Variants in RAD51D observed in about 807,000 individuals in gnomAD.
RAD51D encodes RAD51 paralog D.
A neutral mutation model predicts 44.1 loss-of-function variants in RAD51D; 38 were observed. The ratio of observed to expected loss-of-function variants is 0.86; its 90% CI spans 0.67 to 1.13. The LOEUF (loss-of-function observed/expected upper bound fraction) is 1.13, where lower values mean the gene tolerates loss of function less well. Ranked by LOEUF, RAD51D falls within the 50% of genes most tolerant of loss-of-function variation. RAD51D has a pLI of 0.00. For synonymous variants in RAD51D, 141 were observed against 166.6 expected (o/e 0.85, Z 1.18); for missense variants, 390 against 414.0 (o/e 0.94, Z 0.50).
intron 6 of RAD51D, among the ~76,000 whole-genome samples, chr17:35,104,038 G>A (rs1442234936): frequency 6.6e-6 from 1 of 152,062 alleles, no homozygotes; most frequent in Admixed American, 6.6e-5. Flanking sequence ...AGATCACACC[G>A]CTGCATTCCA....
At position 35,101,198 on chromosome 17, in the gene RAD51D, C is replaced by T. The variant is rs2142410788; in HGVS notation, c.903+3G>A. 6.2e-7 allele frequency: 1 copy of T among 1,614,106 alleles called. No individual in the cohort carries two copies. The highest frequency in any genetic ancestry group is 8.5e-7 in the Non-Finnish European group (1 of 1,179,992). ...TACTGGCATCTTCCTGGGGCTGGCT[C>T]ACCTGTCGGGAAGATTTGGCCAGAC... On this transcript the variant is annotated splice_donor_region_variant and intron_variant, in intron 9 of 9. Transcript: ENST00000345365.
chr17:35,097,546 T>C lies in RAD51D; in HGVS notation c.*3407A>G, dbSNP rs921117291. 6.6e-6 allele frequency: 1 copy of C among 151,550 alleles called. No individual in the cohort carries two copies. Among genetic ancestry groups the C allele is most frequent in the African/African-American group, 2.4e-5 (1 of 41,274 alleles). The allele number at this position is 151,550 out of a possible 1,614,324, so 9.4% of individuals were successfully genotyped here. A position where few individuals can be genotyped will look rare whatever the true frequency, so the allele number is the denominator to read the frequency against. On this transcript the variant is annotated 3_prime_UTR_variant, in exon 10 of 10. Coordinates refer to ENST00000345365, the MANE Select transcript of RAD51D (RefSeq NM_002878.4). ...ATATATATATATATGTATATGTATA[T>C]GTATATTTTTTTCCTAAGAACTAGA...
At chr17:35,116,292 C>A (rs2091745608) in intron 3 of RAD51D, among the ~76,000 whole-genome samples, 1 of 152,156 alleles carries the variant, frequency 6.6e-6, no homozygotes, top group Non-Finnish European at 1.5e-5. Flanking sequence ...TGTCTATAAC[C>A]CTGCTTTCAC....
intron 3 of RAD51D, 124 bp downstream of exon 3, chr17:35,118,377 C>T: frequency 1.2e-6 from 1 of 801,254 alleles, no homozygotes; most frequent in Non-Finnish European, 2.1e-6. Flanking sequence ...TGACCCCTTT[C>T]CTTCCCATCC....
chr17:35,116,980 C>A, intron 3 of RAD51D: 2 of 1,613,930 alleles, frequency 1.2e-6, no homozygotes, highest in Non-Finnish European at 1.7e-6. Flanking sequence ...GATCTCCCTG[C>A]GGGGACCTGA....
At chr17:35,114,803 C>A (rs935465611) in intron 3 of RAD51D, among the ~76,000 whole-genome samples, 1 of 152,208 alleles carries the variant, frequency 6.6e-6, no homozygotes, top group African/African-American at 2.4e-5. Flanking sequence ...AAAGAGTCCT[C>A]AGGTGACTCC....
chr17:35,098,621 G>A lies in RAD51D; in HGVS notation c.*2332C>T, dbSNP rs2091503516. On this transcript the variant is annotated 3_prime_UTR_variant, in exon 10 of 10. Coordinates refer to ENST00000345365, the MANE Select transcript of RAD51D (RefSeq NM_002878.4). ...GGGTTTCACCATGTTGGTCAGGCTG[G>A]TCTGGAACTCCTGACCTTAGGTGAT... The A allele has an allele frequency of 6.6e-6, 1 of 151,986 alleles. No individual in the cohort carries two copies. Among genetic ancestry groups the A allele is most frequent in the African/African-American group, 2.4e-5 (1 of 41,324 alleles). The allele number at this position is 151,986 out of a possible 1,614,324, so 9.4% of individuals were successfully genotyped here. A position where few individuals can be genotyped will look rare whatever the true frequency, so the allele number is the denominator to read the frequency against.
chr17:35,101,370 A>G lies in RAD51D; in HGVS notation c.739-5T>C, dbSNP rs777400873. ...TCGAGTTATGTGGTTGGTCACCTGC[A>G]GCAGAAACAGACTTACAGATCCATA... On this transcript the variant is annotated splice_polypyrimidine_tract_variant and splice_region_variant and intron_variant, in intron 8 of 9. Coordinates refer to ENST00000345365, the MANE Select transcript of RAD51D (RefSeq NM_002878.4). The G allele has an allele frequency of 1.9e-6, 3 of 1,613,202 alleles. No individual in the cohort carries two copies. The African/African-American group carries it at 4.0e-5, about 22-fold the overall frequency.
chr17:35,101,501 A>AG, intron 8 of RAD51D, 136 bp from the exon 9 acceptor site: 1 of 967,688 alleles, frequency 1.0e-6, no homozygotes, highest in Non-Finnish European at 1.6e-6. Flanking sequence ...ACCTAATGGC[A>AG]GGTCTGGAAC....
rs1234267802 is a variant in RAD51D, at chr17:35,099,863, A to G, written c.*1090T>C. ...CCTCCCAGCCAGGGTCATGGCTCTC[A>G]GACGGATGGCCACAGTGCTGGTGAA... is the stretch of plus-strand genomic sequence containing the variant. On this transcript the variant is annotated 3_prime_UTR_variant, in exon 10 of 10. Transcript: ENST00000345365. The G allele has an allele frequency of 1.8e-5, 9 of 511,050 alleles. No individual in the cohort carries two copies. Among genetic ancestry groups the G allele is most frequent in the Non-Finnish European group, 3.1e-5 (8 of 261,248 alleles). 31.7% of individuals were successfully genotyped at this position (511,050 alleles called of 1,614,324 possible).
At position 35,113,503 on chromosome 17, in the gene RAD51D, A is replaced by C. The variant is rs756815178; in HGVS notation, c.263+4998T>G. 8.9e-5 allele frequency: 34 copies of C among 383,346 alleles called. 1 individual carries two copies. The highest frequency in any genetic ancestry group is 1.2e-4 in the Non-Finnish European group (23 of 191,964). The allele number at this position is 383,346 out of a possible 1,614,324, so 23.7% of individuals were successfully genotyped here. A position where few individuals can be genotyped will look rare whatever the true frequency, so the allele number is the denominator to read the frequency against. ...AGGCTGGTCTCAAACTCCTGACCTC[A>C]GGTGACCCACTCGCCTTGGCCTCCC... On this transcript the variant is annotated intron_variant, in intron 3 of 9. Transcript: ENST00000345365.
rs555570134 is a variant in RAD51D at position 35,115,741 on chromosome 17, G to A, written c.263+2760C>T. Among the ~76,000 whole-genome samples the A allele has an allele frequency of 2.6e-5, 4 of 151,898 alleles. No individual in the cohort carries two copies. The East Asian group carries it at 7.8e-4, about 29-fold the overall frequency. On this transcript the variant is annotated intron_variant, in intron 3 of 9. Transcript: ENST00000345365. ...AAAATTAGCTGGGCGTTGATGGCAC[G>A]CACCTGTAGTCCCAGCTACTCGGGA...
chr17:35,097,471 GTA>G lies in RAD51D; in HGVS notation c.*3480_*3481del, dbSNP rs906096711. On this transcript the variant is annotated 3_prime_UTR_variant, in exon 10 of 10. Transcript: ENST00000345365. ...TATGTGTGTATATATATATATGTGTGTATATATATGTATATATATGTGTGTAT... is the reference window on the plus strand; with the variant it reads ...TATGTGTGTATATATATATATGTGTGTATATATGTATATATATGTGTGTAT... 83 of 140,800 alleles carry G rather than the reference GTA, an allele frequency of 5.9e-4. 1 individual carries two copies. The highest frequency in any genetic ancestry group is 2.0e-3 in the African/African-American group (78 of 39,248). The allele number at this position is 140,800 out of a possible 1,614,324, so 8.7% of individuals were successfully genotyped here.
At chr17:35,108,491 T>C (rs1451166291) in intron 3 of RAD51D, among the ~76,000 whole-genome samples, 1 of 138,996 alleles carries the variant, frequency 7.2e-6, no homozygotes, top group African/African-American at 2.8e-5. Flanking sequence ...AAGACCCTTT[T>C]CTCTTTAAAA....
In RAD51D at chr17:35,099,798, T is replaced by G. The variant is rs1261463279; in HGVS notation, c.*1155A>C. ...CAGTAACCAATCCTGATCATTTCTG[T>G]ACTTTTCCTTTTATTTTCCATTCCC... is the stretch of plus-strand genomic sequence containing the variant. On this transcript the variant is annotated 3_prime_UTR_variant, in exon 10 of 10. Coordinates refer to ENST00000345365, the MANE Select transcript of RAD51D (RefSeq NM_002878.4). 8.4e-6 allele frequency: 4 copies of G among 475,554 alleles called. No individual in the cohort carries two copies. The highest frequency in any genetic ancestry group is 1.7e-5 in the Non-Finnish European group (4 of 240,760). The allele number at this position is 475,554 out of a possible 1,614,324, so 29.5% of individuals were successfully genotyped here.
chr17:35,095,850 C>A lies in RAD51D; in HGVS notation c.*5103G>T, dbSNP rs2091483408. 1 of 152,166 alleles carries A rather than the reference C, an allele frequency of 6.6e-6. No individual in the cohort carries two copies. Among genetic ancestry groups the A allele is most frequent in the South Asian group, 2.1e-4 (1 of 4,830 alleles). 9.4% of individuals were successfully genotyped at this position (152,166 alleles called of 1,614,324 possible). On this transcript the variant is annotated 3_prime_UTR_variant, in exon 10 of 10. Transcript: ENST00000345365. ...CTTTACTTGGGCCCTTAACAAACTG[C>A]AGCCTTAGTATGCAAACTAACTGAA...
At chr17:35,108,111 G>A (rs988484377) in intron 3 of RAD51D, among the ~76,000 whole-genome samples, 1 of 151,312 alleles carries the variant, frequency 6.6e-6, no homozygotes, top group Non-Finnish European at 1.5e-5. Context: ...CTTTGATGGT[G>A]GCACACGCCT....
rs776316890 is a variant in RAD51D at position 35,118,459 on chromosome 17, T to A, written c.263+42A>T. The A allele has an allele frequency of 4.6e-6, 7 of 1,518,806 alleles. No individual in the cohort carries two copies. The Admixed American group carries it at 1.2e-4, about 25-fold the overall frequency. The allele number at this position is 1,518,806 out of a possible 1,614,324, so 94.1% of individuals were successfully genotyped here. ...AAAGCAGAGCTGAGAGGAGGCCCCA[T>A]CCTCCTGCCTCTCTCCTTCTTCCCC... On this transcript the variant is annotated intron_variant, in intron 3 of 9. Transcript: ENST00000345365.
chr17:35,094,327 T>C lies in RAD51D; in HGVS notation c.*6626A>G, dbSNP rs1255602410. The C allele has an allele frequency of 6.6e-6, 1 of 152,200 alleles. No individual in the cohort carries two copies. The highest frequency in any genetic ancestry group is 1.5e-5 in the Non-Finnish European group (1 of 68,050). 9.4% of individuals were successfully genotyped at this position (152,200 alleles called of 1,614,324 possible). ...ATGTTGGCCAAGCTGGTCTCGAACTTCTGATTTCAAATGATCCACCCACCT... is the reference window on the plus strand; with the variant it reads ...ATGTTGGCCAAGCTGGTCTCGAACTCCTGATTTCAAATGATCCACCCACCT... On this transcript the variant is annotated 3_prime_UTR_variant, in exon 10 of 10. Coordinates refer to ENST00000345365, the MANE Select transcript of RAD51D (RefSeq NM_002878.4).
Sources: allele counts gnomAD v4.1 joint callset (sites outside exome capture counted in the v4.1 genomes callset), GRCh38; gene constraint gnomAD v4.1.1; transcripts MANE v1.5; gene names NCBI Gene and HGNC (gene_info 2026-07-23, HGNC 2026-07-21).